Variants in KIF6 observed in about 807,000 individuals in gnomAD.
KIF6 encodes the protein kinesin-like protein KIF6.
KIF6 carries 106 observed loss-of-function variants against 112.7 expected under a neutral mutation model. The observed-to-expected ratio is 0.94, with a 90% CI of 0.80 to 1.11. KIF6 has a LOEUF of 1.11. Among genes scored for constraint, KIF6 ranks in the 50% least tolerant of loss-of-function variants. KIF6 has a pLI of 0.00. For synonymous variants in KIF6, 339 were observed against 339.9 expected, an observed-to-expected ratio of 1.00 and a Z score of 0.03; for missense variants, 929 against 964.0, an observed-to-expected ratio of 0.96 and a Z score of 0.48.
chr6:39,434,106 T>C (rs2150385811), intron 13 of KIF6, among the ~76,000 whole-genome samples: 1 of 151,814 alleles, frequency 6.6e-6, no homozygotes, highest in Non-Finnish European at 1.5e-5. Flanking sequence ...GCAAAAAGAG[T>C]GATTAAAAGC....
chr6:39,679,908 T>C (rs1787409720), intron 3 of KIF6, among the ~76,000 whole-genome samples: 1 of 151,354 alleles, frequency 6.6e-6, no homozygotes, highest in South Asian at 2.1e-4. Context: ...TGAGCCACCA[T>C]GCCTGGCTGG....
chr6:39,722,190 G>A (rs61705257), intron 1 of KIF6, among the ~76,000 whole-genome samples: 3,016 of 152,168 alleles, frequency 0.02, 98 homozygotes, highest in African/African-American at 0.069. Context: ...TGAAGGGGGT[G>A]TATAAGACAT....
chr6:39,366,387 G>C (rs1165617290), intron 16 of KIF6, among the ~76,000 whole-genome samples: 1 of 152,180 alleles, frequency 6.6e-6, no homozygotes, highest in African/African-American at 2.4e-5. Flanking sequence ...AATGTTTATC[G>C]AGCATTGACT....
intron 16 of KIF6, among the ~76,000 whole-genome samples, chr6:39,371,771 T>C (rs185309665): frequency 2.6e-4 from 39 of 152,232 alleles, no homozygotes; most frequent in African/African-American, 5.8e-4. Flanking sequence ...TAGATTCAAA[T>C]TGGGTAAGGA....
intron 10 of KIF6, among the ~76,000 whole-genome samples, chr6:39,567,244 C>T (rs1001506704): frequency 6.6e-6 from 1 of 152,152 alleles, no homozygotes; most frequent in African/African-American, 2.4e-5. Flanking sequence ...CCCCATCAAT[C>T]CTCGTAAGAG....
intron 2 of KIF6, among the ~76,000 whole-genome samples, chr6:39,718,251 A>G (rs933336130): frequency 1.3e-5 from 2 of 151,428 alleles, no homozygotes; most frequent in Non-Finnish European, 2.9e-5. Context: ...AAAAAAAAAA[A>G]AAGAATACTT....
At chr6:39,453,700 G>C (rs1175866199) in intron 13 of KIF6, among the ~76,000 whole-genome samples, 1 of 152,048 alleles carries the variant, frequency 6.6e-6, no homozygotes, top group Non-Finnish European at 1.5e-5. Flanking sequence ...AGTTGATAAA[G>C]AATCAATAAA....
chr6:39,400,915 G>T (rs1269099932), intron 15 of KIF6, among the ~76,000 whole-genome samples: 8 of 152,210 alleles, frequency 5.3e-5, no homozygotes, highest in African/African-American at 1.4e-4. Flanking sequence ...GAAATCACAG[G>T]AATCTGTTTT....
intron 13 of KIF6, among the ~76,000 whole-genome samples, chr6:39,448,099 A>G (rs1323208642): frequency 6.6e-6 from 1 of 152,186 alleles, no homozygotes; most frequent in African/African-American, 2.4e-5. Context: ...AATCTCCATC[A>G]GCCTCGGTCT....
intron 3 of KIF6, among the ~76,000 whole-genome samples, chr6:39,662,616 C>A (rs1011034920): frequency 2.6e-5 from 4 of 152,090 alleles, no homozygotes; most frequent in Admixed American, 6.6e-5. Flanking sequence ...GTAAGAAGTC[C>A]TTTTAAAGAT....
rs201195488 is a variant in KIF6 at position 39,342,611 on chromosome 6, A to T, written c.2428+1098T>A. ...TGAATCCAGTTTTTTATTTTTTTTT[A>T]TTTTTTTTTATTTTTTTTTATTTTT... On this transcript the variant is annotated intron_variant, in intron 22 of 22. Coordinates refer to ENST00000287152, the MANE Select transcript of KIF6 (RefSeq NM_145027.6). The surrounding 1 kb of genome is among the most constrained non-coding windows in gnomAD (Gnocchi z 4.7). Among the ~76,000 whole-genome samples, 4,011 of 82,606 alleles carry T rather than the reference A, an allele frequency of 0.049. 317 individuals are homozygous for T. The highest frequency in any genetic ancestry group is 0.17 in the African/African-American group (1,656 of 9,790). 54.2% of individuals were successfully genotyped at this position (82,606 alleles called of 152,430 possible).
Position 39,342,908 on chromosome 6 carries a change from T to C in KIF6, c.2428+801A>G. ...GCGCCACAGGGCAGGCATCAGTCATTATACATCGAATCTGCCAGCCCATAC... is the reference window on the plus strand; with the variant it reads ...GCGCCACAGGGCAGGCATCAGTCATCATACATCGAATCTGCCAGCCCATAC... On this transcript the variant is annotated intron_variant, in intron 22 of 22. Coordinates refer to ENST00000287152, the MANE Select transcript of KIF6 (RefSeq NM_145027.6). This position sits in a 1 kb window ranked among gnomAD's most constrained non-coding sequence, Gnocchi z 4.7. 1 of 985,370 alleles carries C rather than the reference T, an allele frequency of 1.0e-6. No individual in the cohort carries two copies. Among genetic ancestry groups the C allele is most frequent in the Non-Finnish European group, 1.2e-6 (1 of 829,928 alleles). 61.0% of individuals were successfully genotyped at this position (985,370 alleles called of 1,614,324 possible).
Position 39,586,269 on chromosome 6 carries a change from T to C in KIF6, c.982A>G (p.Asn328Asp). 6.2e-7 allele frequency: 1 copy of C among 1,614,124 alleles called. No homozygotes were observed. The highest frequency in any genetic ancestry group is 1.1e-5 in the South Asian group (1 of 91,080). Residue 328 changes from asparagine (N) to aspartate (D), a missense_variant, in exon 8 of 23, where the codon AAT becomes GAT. Asn to Asp is a conservative substitution (Grantham distance 23). Around this residue, in one of 2 missense-constraint regions of KIF6, gnomAD observed 688 missense variants for 662.7 expected, o/e 1.04. Coordinates refer to ENST00000287152, the MANE Select transcript of KIF6 (RefSeq NM_145027.6). ...AAGAAGAGCCCACATACATCAAGAT[T>C]CCTTTTCTCCAAGGAGAGTGTTGCA... The part of the protein sequence containing the change: ...MIATLSLEKR[N>D]LDESISTCRF...
At chr6:39,344,871 C>A (rs59345044) in intron 21 of KIF6, among the ~76,000 whole-genome samples, 26,682 of 152,174 alleles carry the variant, frequency 0.18, 2,537 homozygotes, top group East Asian at 0.4. Flanking sequence ...AAAAAACTAC[C>A]TTTCCCAGAC....
At chr6:39,431,425 G>A (rs977340501) in intron 13 of KIF6, 22 of 344,540 alleles carry the variant, frequency 6.4e-5, no homozygotes, top group South Asian at 1.7e-4. Flanking sequence ...ATGCCTGCTC[G>A]GGGGAAATGA....
chr6:39,510,094 C>CT (rs70984130), intron 13 of KIF6, among the ~76,000 whole-genome samples: 155 of 131,526 alleles, frequency 1.2e-3, no homozygotes, highest in South Asian at 0.011. Flanking sequence ...CTTTTCTTTT[C>CT]TTTTTTTTTT....
intron 15 of KIF6, among the ~76,000 whole-genome samples, chr6:39,419,102 C>G (rs561226369): frequency 9.9e-5 from 15 of 152,120 alleles, no homozygotes; most frequent in African/African-American, 3.6e-4. Context: ...ACCTGTAGTC[C>G]CAGCACTTTG....
intron 10 of KIF6, among the ~76,000 whole-genome samples, chr6:39,563,337 G>A (rs116694240): frequency 8.4e-4 from 128 of 152,236 alleles, no homozygotes; most frequent in African/African-American, 2.9e-3. Flanking sequence ...AGACTTGTTT[G>A]TAAACACATA....
rs114183781 is a variant in KIF6 at position 39,461,375 on chromosome 6, G to A, written c.1646-30214C>T. Among the ~76,000 whole-genome samples, 535 of 152,140 alleles carry A rather than the reference G, an allele frequency of 3.5e-3. 1 individual carries two copies. The highest frequency in any genetic ancestry group is 0.012 in the African/African-American group (510 of 41,522). On this transcript the variant is annotated intron_variant, in intron 13 of 22. Transcript: ENST00000287152. ...TTGGTTGACTAACCTACAAATCATG[G>A]CCAATTCTCTTCACCTTTACCTTCC...
Sources: allele counts gnomAD v4.1 joint callset (sites outside exome capture counted in the v4.1 genomes callset), GRCh38; gene constraint gnomAD v4.1.1; regional missense constraint gnomAD v4.1.1; non-coding constraint Gnocchi (gnomAD v3.1); transcripts MANE v1.5; gene names NCBI Gene and HGNC (gene_info 2026-07-23, HGNC 2026-07-21).